The following MYO1G variants were observed in gnomAD, a reference collection of about 807,000 sequenced individuals.
MYO1G encodes myosin IG.
Under a neutral mutation model 115.3 loss-of-function variants are expected in MYO1G, and 65 were observed. That is an observed-to-expected ratio of 0.56 (90% CI 0.46 to 0.69). The LOEUF (loss-of-function observed/expected upper bound fraction) is 0.69. MYO1G is among the 30% of genes least tolerant of loss of function. MYO1G has a pLI of 0.00. For missense variants in MYO1G, 1,204 were observed against 1,393.5 expected (o/e 0.86, Z 2.16); for synonymous variants, 510 against 552.6 (o/e 0.92, Z 1.08).
intron 3 of MYO1G, among the ~76,000 whole-genome samples, 186 bp downstream of exon 3, chr7:44,976,378 G>C (rs1795049068): frequency 6.6e-6 from 1 of 152,204 alleles, no homozygotes; most frequent in African/African-American, 2.4e-5. Flanking sequence ...AGAGGTCCTT[G>C]GCATGGGTCA....
In MYO1G at chr7:44,975,668, TG is replaced by T. The variant is rs749403553; in HGVS notation, c.399-20del. On this transcript the variant is annotated intron_variant, in intron 3 of 21. Coordinates refer to ENST00000258787, the MANE Select transcript of MYO1G (RefSeq NM_033054.3). ...CTTGACCCTGTCAGGGCAGAGGGGC[TG>T]GGTCTTAAGGCAAAGACTTCCCATC... The T allele has an allele frequency of 1.7e-5, 27 of 1,580,370 alleles. No individual in the cohort carries two copies. The Admixed American group carries it at 4.5e-4, about 27-fold the overall frequency.
chr7:44,976,553 T>C lies in MYO1G; in HGVS notation c.398+11A>G. ...CCATGCTGAGGCCCAGAGCTGCCCA[T>C]TGCCACTCACCTCTCCACCTCAGCC... On this transcript the variant is annotated intron_variant, in intron 3 of 21. Coordinates refer to ENST00000258787, the MANE Select transcript of MYO1G (RefSeq NM_033054.3). 6.2e-7 allele frequency: 1 copy of C among 1,613,338 alleles called. No individual in the cohort carries two copies. The highest frequency in any genetic ancestry group is 8.5e-7 in the Non-Finnish European group (1 of 1,179,334).
At chr7:44,976,810 A>G in intron 2 of MYO1G, 53 bp downstream of exon 2, 1 of 1,599,450 alleles carries the variant, frequency 6.3e-7, no homozygotes, top group East Asian at 2.3e-5. Flanking sequence ...GCCCTCCCAA[A>G]TGTTCACAAA....
chr7:44,970,509 C>T (rs1390659852), intron 9 of MYO1G, 83 bp downstream of exon 9: 1 of 1,566,266 alleles, frequency 6.4e-7, no homozygotes, highest in Admixed American at 1.7e-5. Flanking sequence ...TTCCTGCTGC[C>T]CAGCCCCAGC....
intron 5 of MYO1G, chr7:44,972,511 T>G: frequency 2.4e-6 from 1 of 412,618 alleles, no homozygotes; most frequent in Non-Finnish European, 4.6e-6. Flanking sequence ...TGTGGAGACA[T>G]TGCCCTCGAC....
In MYO1G at chr7:44,978,904, C is replaced by T. The variant is rs1282619821; in HGVS notation, c.58G>A (p.Val20Met). The T allele has an allele frequency of 2.5e-6, 4 of 1,614,214 alleles. No individual in the cohort carries two copies. In the East Asian group the frequency reaches 6.7e-5, roughly 27 times the overall value. The part of the protein sequence containing the change: ...GKPDFVLLDQ[V>M]TMEDFMRNLQ... Reference sequence around the variant, plus strand: ...TTCCTCATGAAGTCCTCCATGGTCACTTGGTCCAAAAGCACAAAGTCAGGT... The same window carrying T: ...TTCCTCATGAAGTCCTCCATGGTCATTTGGTCCAAAAGCACAAAGTCAGGT... Residue 20 changes from valine to methionine, a missense_variant, in exon 1 of 22, where the codon GTG becomes ATG. By Grantham distance (21) the Val-to-Met change is conservative. Transcript: ENST00000258787.
chr7:44,969,459 C>A lies in MYO1G; in HGVS notation c.1528G>T (p.Glu510Ter). ...RQLCPTDKTM[E>*]FGRDFRIKHY... ...TTGATCCGGAAGTCTCGGCCAAACT[C>A]CATGGTCTTGTCTGTGGGGCAGAGC... Residue 510 changes from glutamate (E) to a stop codon, truncating the protein, a stop_gained, in exon 12 of 22, where the codon GAG (glutamate) becomes TAG (stop). Transcript: ENST00000258787. LOFTEE classifies it high-confidence loss of function. This position sits in a 1 kb window ranked among gnomAD's most constrained non-coding sequence, Gnocchi z 5.0. The A allele has an allele frequency of 6.2e-7, 1 of 1,613,946 alleles. No individual in the cohort carries two copies. The highest frequency in any genetic ancestry group is 2.2e-5 in the East Asian group (1 of 44,876).
In MYO1G at chr7:44,975,255, G is replaced by A. The variant is rs1562833652; in HGVS notation, c.565-28C>T. 1.2e-6 allele frequency: 2 copies of A among 1,613,374 alleles called. 1 individual carries two copies. Reference sequence around the variant, plus strand: ...GAGGAGAGAGGGGCAGATGGACTCAGGCCTGGGAAGGAGTCTGACCCTGGG... The same window carrying A: ...GAGGAGAGAGGGGCAGATGGACTCAAGCCTGGGAAGGAGTCTGACCCTGGG... On this transcript the variant is annotated intron_variant, in intron 4 of 21. Transcript: ENST00000258787.
chr7:44,970,746 T>C lies in MYO1G; in HGVS notation c.1072-9A>G. On this transcript the variant is annotated splice_polypyrimidine_tract_variant and intron_variant, in intron 8 of 21. Transcript: ENST00000258787. ...AGCCGCTGGTACACTGCCTGGGGGA[T>C]AGGAACACCCTGCTTCCTGCTGCCT... 2 of 1,613,800 alleles carry C rather than the reference T, an allele frequency of 1.2e-6. No homozygotes were observed. The highest frequency in any genetic ancestry group is 2.2e-5 in the East Asian group (1 of 44,884).
chr7:44,974,277 G>A (rs985891493), intron 5 of MYO1G: 5 of 151,552 alleles, frequency 3.3e-5, no homozygotes, highest in African/African-American at 9.7e-5. Context: ...ATAGACCCTG[G>A]AGACCCTGCC....
intron 9 of MYO1G, 79 bp downstream of exon 9, chr7:44,970,513 C>T (rs1459795793): frequency 1.3e-6 from 2 of 1,571,638 alleles, no homozygotes; most frequent in East Asian, 4.5e-5. Flanking sequence ...TGCTGCCCAG[C>T]CCCAGCCGAG....
intron 4 of MYO1G, 78 bp downstream of exon 4, chr7:44,975,406 G>A (rs375968407): frequency 4.0e-5 from 63 of 1,561,788 alleles, no homozygotes; most frequent in South Asian, 4.0e-4. Context: ...CTGCACCGTC[G>A]GGATGGGTAC....
intron 2 of MYO1G, 38 bp downstream of exon 2, chr7:44,976,825 G>A: frequency 6.2e-7 from 1 of 1,605,538 alleles, no homozygotes. Flanking sequence ...CACAAATGAA[G>A]ATGCCGAGGG....
chr7:44,968,287 CTG>C (rs1253316112), intron 12 of MYO1G, among the ~76,000 whole-genome samples: 3 of 152,236 alleles, frequency 2.0e-5, no homozygotes, highest in East Asian at 3.8e-4. Context: ...CTCAACCTCT[CTG>C]TGCTTCAGTG....
Position 44,975,361 on chromosome 7 carries a change from A to T in MYO1G, c.564+123T>A, listed in dbSNP as rs1313790747. On this transcript the variant is annotated intron_variant, in intron 4 of 21. Coordinates refer to ENST00000258787, the MANE Select transcript of MYO1G (RefSeq NM_033054.3). ...CTATGAGGACACTGAGGCCCAGAGA[A>T]GGGCCACAGGGAGAGACAGCCCAGC... is the stretch of plus-strand genomic sequence containing the variant. The T allele has an allele frequency of 2.7e-6, 4 of 1,482,140 alleles. No homozygotes were observed. In the Admixed American group the frequency reaches 6.8e-5, roughly 25 times the overall value. The allele number at this position is 1,482,140 out of a possible 1,614,324, so 91.8% of individuals were successfully genotyped here.
Position 44,967,594 on chromosome 7 carries a change from GTGGAACATACCT to G in MYO1G, c.1781_1782+10del. 6.2e-7 allele frequency: 1 copy of G among 1,613,778 alleles called. No homozygotes were observed. Among genetic ancestry groups the G allele is most frequent in the Non-Finnish European group, 8.5e-7 (1 of 1,180,014 alleles). ...CCGGAACAGCCAGAGTGGGAGAGGG[GTGGAACATACCT>G]TGGAGGCAAGGTTCTCCACCAGGGC... On this transcript the variant is annotated splice_donor_variant and splice_donor_5th_base_variant and coding_sequence_variant and intron_variant, in exon 14 of 22. Transcript: ENST00000258787. LOFTEE classifies it high-confidence loss of function.
intron 5 of MYO1G, chr7:44,974,873 C>T: frequency 2.1e-6 from 1 of 466,218 alleles, no homozygotes; most frequent in South Asian, 2.2e-5. Flanking sequence ...GGAAGCCCAC[C>T]TCGTGGGGAG....
intron 6 of MYO1G, 88 bp from the exon 7 acceptor site, chr7:44,971,877 C>G: frequency 1.0e-6 from 1 of 961,744 alleles, no homozygotes; most frequent in Non-Finnish European, 1.6e-6. Flanking sequence ...ATCCTAGGCA[C>G]CTGCTCACCC....
Position 44,964,320 on chromosome 7 carries a change from A to T in MYO1G, c.2631+95T>A. On this transcript the variant is annotated intron_variant, in intron 19 of 21. Coordinates refer to ENST00000258787, the MANE Select transcript of MYO1G (RefSeq NM_033054.3). The surrounding 1 kb of genome is among the most constrained non-coding windows in gnomAD (Gnocchi z 5.1). Reference sequence around the variant, plus strand: ...GCTGGGGTTGCCTCCATTTTCTCCCAAGTGCCCCCCCAAAACTCTGCACCA... The same window carrying T: ...GCTGGGGTTGCCTCCATTTTCTCCCTAGTGCCCCCCCAAAACTCTGCACCA... 8 of 1,386,296 alleles carry T rather than the reference A, an allele frequency of 5.8e-6. No homozygotes were observed. The highest frequency in any genetic ancestry group is 8.2e-6 in the Non-Finnish European group (8 of 977,296). 85.9% of individuals were successfully genotyped at this position (1,386,296 alleles called of 1,614,324 possible).
Sources: allele counts gnomAD v4.1 joint callset (sites outside exome capture counted in the v4.1 genomes callset), GRCh38; gene constraint gnomAD v4.1.1; non-coding constraint Gnocchi (gnomAD v3.1); transcripts MANE v1.5; gene names NCBI Gene and HGNC (gene_info 2026-07-23, HGNC 2026-07-21).